Variants in DTNA observed in about 807,000 individuals in gnomAD.
DTNA encodes the protein dystrophin-related protein 3.
DTNA carries 43 observed loss-of-function variants against 100.7 expected under a neutral mutation model. That is an observed-to-expected ratio of 0.43 (90% CI 0.33 to 0.55). DTNA has a LOEUF of 0.55. DTNA is among the 20% of genes least tolerant of loss of function. The pLI is 0.04. For synonymous variants in DTNA, 349 were observed against 347.9 expected (o/e 1.00, Z -0.04); for missense variants, 798 against 953.9 (o/e 0.84, Z 2.15).
chr18:34,699,675 A>G (rs1462046776), intron 1 of DTNA, among the ~76,000 whole-genome samples: 1 of 152,156 alleles, frequency 6.6e-6, no homozygotes, highest in African/African-American at 2.4e-5. Flanking sequence ...CCCTTCCCTG[A>G]GACTTTGGTG....
At chr18:34,579,540 T>C (rs1483600095) in intron 1 of DTNA, among the ~76,000 whole-genome samples, 1 of 152,206 alleles carries the variant, frequency 6.6e-6, no homozygotes, top group East Asian at 1.9e-4. Flanking sequence ...GAAAGATATA[T>C]TTGTTGAACA....
At chr18:34,883,557 AC>A (rs1055056202) in intron 21 of DTNA, among the ~76,000 whole-genome samples, 3 of 150,726 alleles carry the variant, frequency 2.0e-5, no homozygotes. Flanking sequence ...TGATCCTCCC[AC>A]CCCGGCCTCC....
At chr18:34,545,923 A>G (rs2044731749) in intron 1 of DTNA, among the ~76,000 whole-genome samples, 1 of 152,112 alleles carries the variant, frequency 6.6e-6, no homozygotes, top group African/African-American at 2.4e-5. Context: ...GCACACCACC[A>G]GGTCCCAAGC....
chr18:34,856,121 C>A, intron 15 of DTNA, among the ~76,000 whole-genome samples: 1 of 152,096 alleles, frequency 6.6e-6, no homozygotes, highest in East Asian at 1.9e-4. Flanking sequence ...GAAGAGATGG[C>A]GGAAAGAGAG....
At chr18:34,846,568 T>G (rs1371554016) in intron 13 of DTNA, among the ~76,000 whole-genome samples, 12 of 151,814 alleles carry the variant, frequency 7.9e-5, no homozygotes, top group Non-Finnish European at 5.9e-5. Context: ...AAGTCTAGAG[T>G]GGAAGTATTC....
At chr18:34,711,410 C>T (rs1405139148) in intron 1 of DTNA, among the ~76,000 whole-genome samples, 1 of 152,198 alleles carries the variant, frequency 6.6e-6, no homozygotes, top group Non-Finnish European at 1.5e-5. Context: ...CAGGGGTTTA[C>T]TTAATGCAAC....
chr18:34,881,367 A>G (rs1033861954), intron 20 of DTNA, among the ~76,000 whole-genome samples: 14 of 151,442 alleles, frequency 9.2e-5, no homozygotes, highest in Non-Finnish European at 2.1e-4. Context: ...AGATGGAGAC[A>G]GAGTCCCACA....
chr18:34,780,341 A>G (rs929435482), intron 3 of DTNA, among the ~76,000 whole-genome samples: 1 of 152,204 alleles, frequency 6.6e-6, no homozygotes, highest in Admixed American at 6.5e-5. Flanking sequence ...TCCAAGTGTT[A>G]TAGTAGACAG....
chr18:34,674,059 C>G (rs948836342), intron 1 of DTNA, among the ~76,000 whole-genome samples: 7 of 152,174 alleles, frequency 4.6e-5, no homozygotes, highest in African/African-American at 1.7e-4. Flanking sequence ...AGATGCACAA[C>G]CCCTTCTGAG....
intron 1 of DTNA, among the ~76,000 whole-genome samples, chr18:34,495,726 G>T (rs2039119792): frequency 6.6e-6 from 1 of 152,186 alleles, no homozygotes; most frequent in Admixed American, 6.5e-5. Flanking sequence ...GAATTGTGTA[G>T]CGGTGAAGAC....
intron 1 of DTNA, among the ~76,000 whole-genome samples, chr18:34,681,065 C>A (rs2078034002): frequency 6.6e-6 from 1 of 152,136 alleles, no homozygotes; most frequent in South Asian, 2.1e-4. Flanking sequence ...CTTTGGCTTC[C>A]TGAGGCTGCT....
chr18:34,560,083 C>T (rs2046499053), intron 1 of DTNA, among the ~76,000 whole-genome samples: 1 of 152,104 alleles, frequency 6.6e-6, no homozygotes, highest in African/African-American at 2.4e-5. Context: ...CATGCTTGGC[C>T]TGACAAACTC....
intron 1 of DTNA, among the ~76,000 whole-genome samples, chr18:34,524,507 A>G (rs776114806): frequency 5.3e-5 from 8 of 151,960 alleles, no homozygotes; most frequent in Non-Finnish European, 8.8e-5. Context: ...CCAGAAAACC[A>G]CTCTCCTCAT....
At chr18:34,511,795 T>C (rs1203941021) in intron 1 of DTNA, among the ~76,000 whole-genome samples, 1 of 152,046 alleles carries the variant, frequency 6.6e-6, no homozygotes, top group African/African-American at 2.4e-5. Context: ...AAATAGCTAG[T>C]GTAAATATTA....
At chr18:34,525,915 A>G (rs1156743224) in intron 1 of DTNA, among the ~76,000 whole-genome samples, 1 of 152,110 alleles carries the variant, frequency 6.6e-6, no homozygotes, top group Non-Finnish European at 1.5e-5. Context: ...ACATCACAAA[A>G]CTGAAACGGG....
At chr18:34,727,700 G>A (rs986863552) in intron 1 of DTNA, among the ~76,000 whole-genome samples, 2 of 152,070 alleles carry the variant, frequency 1.3e-5, no homozygotes, top group Admixed American at 1.3e-4. Flanking sequence ...AAGTAGTTGG[G>A]ATTACAGGAA....
intron 17 of DTNA, among the ~76,000 whole-genome samples, chr18:34,874,069 T>G (rs1442770568): frequency 6.6e-6 from 1 of 152,220 alleles, no homozygotes; most frequent in Non-Finnish European, 1.5e-5. Context: ...TTATGCGTGA[T>G]GCTGAGCCTG....
intron 3 of DTNA, among the ~76,000 whole-genome samples, 195 bp from the exon 4 acceptor site, chr18:34,793,841 AT>A (rs1209581125): frequency 6.6e-6 from 1 of 152,184 alleles, no homozygotes; most frequent in African/African-American, 2.4e-5. Flanking sequence ...TCAGTAAATC[AT>A]TTGCTTGCTA....
At chr18:34,695,257 G>A (rs1037486778) in intron 1 of DTNA, among the ~76,000 whole-genome samples, 4 of 152,132 alleles carry the variant, frequency 2.6e-5, no homozygotes, top group African/African-American at 9.6e-5. Context: ...GTCTAACCCT[G>A]GGGCTGTTGT....
Sources: allele counts gnomAD v4.1 joint callset (sites outside exome capture counted in the v4.1 genomes callset), GRCh38; gene constraint gnomAD v4.1.1; transcripts MANE v1.5; gene names NCBI Gene and HGNC (gene_info 2026-07-23, HGNC 2026-07-21).